The following CAMSAP2 variants were observed in gnomAD, a reference collection of about 807,000 sequenced individuals.
The protein encoded by CAMSAP2 is calmodulin regulated spectrin associated protein family member 2.
A neutral mutation model predicts 146.1 loss-of-function variants in CAMSAP2; 26 were observed. The ratio of observed to expected loss-of-function variants is 0.18; its 90% CI spans 0.13 to 0.25. CAMSAP2 has a LOEUF of 0.25. Among genes scored for constraint, CAMSAP2 ranks in the 10% least tolerant of loss-of-function variants. The pLI, the probability that CAMSAP2 is intolerant of heterozygous loss-of-function variation, is 1.00. For missense variants in CAMSAP2, 1,381 were observed against 1,759.3 expected (o/e 0.78, Z 3.85); for synonymous variants, 499 against 596.6 (o/e 0.84, Z 2.38).
chr1:200,854,202 G>A (rs1182781189), intron 13 of CAMSAP2, among the ~76,000 whole-genome samples: 3 of 151,978 alleles, frequency 2.0e-5, no homozygotes, highest in Non-Finnish European at 1.5e-5. Flanking sequence ...GGCTGGTCTC[G>A]AACTCTTGGG....
chr1:200,766,142 C>CT (rs71135394), intron 2 of CAMSAP2, among the ~76,000 whole-genome samples: 1,983 of 140,772 alleles, frequency 0.014, 18 homozygotes, highest in African/African-American at 0.029. Context: ...TCAAGTAGCT[C>CT]TTTTTTTTTT....
At chr1:200,807,101 C>T (rs1386121720) in intron 2 of CAMSAP2, among the ~76,000 whole-genome samples, 1 of 151,928 alleles carries the variant, frequency 6.6e-6, no homozygotes, top group Non-Finnish European at 1.5e-5. Context: ...ATGACCATGA[C>T]ATTATAAAAA....
intron 1 of CAMSAP2, among the ~76,000 whole-genome samples, chr1:200,745,992 T>G (rs1401507708): frequency 6.6e-6 from 1 of 152,212 alleles, no homozygotes; most frequent in East Asian, 1.9e-4. Context: ...GATTCAAAAC[T>G]CAAAGGTATA....
intron 4 of CAMSAP2, among the ~76,000 whole-genome samples, chr1:200,821,597 G>A (rs1011023351): frequency 7.2e-5 from 11 of 152,172 alleles, no homozygotes; most frequent in African/African-American, 2.2e-4. Flanking sequence ...TTGGCCTCCA[G>A]CGATCCACCC....
chr1:200,854,306 TG>T (rs1266748774), intron 13 of CAMSAP2, among the ~76,000 whole-genome samples: 1 of 152,128 alleles, frequency 6.6e-6, no homozygotes, highest in Non-Finnish European at 1.5e-5. Context: ...AAAAAAATCT[TG>T]GGGGGCAGGG....
chr1:200,854,178 CTT>C lies in CAMSAP2; in HGVS notation c.3824-638_3824-637del, dbSNP rs1429562678. Among the ~76,000 whole-genome samples the C allele has an allele frequency of 2.0e-5, 3 of 152,144 alleles. No homozygotes were observed. The East Asian group carries it at 5.8e-4, about 29-fold the overall frequency. ...TGTATTTTTTGTACAGATGGGGTTTCTTCATGTTGTTCAGGCTGGTCTCGAAC... is the reference window on the plus strand; with the variant it reads ...TGTATTTTTTGTACAGATGGGGTTTCCATGTTGTTCAGGCTGGTCTCGAAC... On this transcript the variant is annotated intron_variant, in intron 13 of 16. Transcript: ENST00000358823.
At chr1:200,786,946 C>T (rs1217329986) in intron 2 of CAMSAP2, among the ~76,000 whole-genome samples, 1 of 151,288 alleles carries the variant, frequency 6.6e-6, no homozygotes, top group Non-Finnish European at 1.5e-5. Context: ...AAAAACAAAG[C>T]CTGGATGACA....
intron 3 of CAMSAP2, 91 bp from the exon 4 acceptor site, chr1:200,815,470 A>T: frequency 1.8e-6 from 1 of 567,154 alleles, no homozygotes; most frequent in Non-Finnish European, 2.9e-6. Context: ...CTCTGACTAT[A>T]GGCATCTTAA....
At chr1:200,833,793 A>T (rs1277662131) in intron 6 of CAMSAP2, among the ~76,000 whole-genome samples, 1 of 152,190 alleles carries the variant, frequency 6.6e-6, no homozygotes. Context: ...AATATATGAT[A>T]TGTATAGTTA....
rs1043484292 is a variant in CAMSAP2 at position 200,813,078 on chromosome 1, A to T, written c.562-2483A>T. Among the ~76,000 whole-genome samples, 7 of 152,260 alleles carry T rather than the reference A, an allele frequency of 4.6e-5. No individual in the cohort carries two copies. The South Asian group carries it at 1.4e-3, about 31-fold the overall frequency. On this transcript the variant is annotated intron_variant, in intron 3 of 16. Transcript: ENST00000358823. ...GCCTTAGCCTAGGTAATTTATAAAC[A>T]GCAGAAATTCATTGCTCATAGTTCT...
rs374030133 is a variant in CAMSAP2 at position 200,804,225 on chromosome 1, C to T, written c.400-3151C>T. 2.8e-4 allele frequency among the ~76,000 whole-genome samples: 43 copies of T among 152,180 alleles called. No individual in the cohort carries two copies. In the East Asian group the frequency reaches 7.9e-3, roughly 28 times the overall value. ...ACAAGCGTGAGCCACCGCGCCTGGC[C>T]AGATGTTCTGTTTTTCTTGTTTCTT... On this transcript the variant is annotated intron_variant, in intron 2 of 16. Coordinates refer to ENST00000358823, the MANE Select transcript of CAMSAP2 (RefSeq NM_203459.4).
intron 7 of CAMSAP2, 147 bp downstream of exon 7, chr1:200,842,234 C>G: frequency 1.7e-6 from 1 of 603,988 alleles, no homozygotes; most frequent in Non-Finnish European, 2.9e-6. Context: ...CTCCTAACCT[C>G]TTAAAATGGT....
chr1:200,854,751 A>T, intron 13 of CAMSAP2, 66 bp from the exon 14 acceptor site: 1 of 1,164,130 alleles, frequency 8.6e-7, no homozygotes, highest in Non-Finnish European at 1.3e-6. Flanking sequence ...ACTCTTTGCT[A>T]GTTGCTCCTT....
At chr1:200,811,237 T>C (rs1381094428) in intron 3 of CAMSAP2, among the ~76,000 whole-genome samples, 1 of 152,202 alleles carries the variant, frequency 6.6e-6, no homozygotes, top group Non-Finnish European at 1.5e-5. Flanking sequence ...GTCTCCCCTG[T>C]GGTGGCAGTT....
chr1:200,762,206 G>T (rs985683471), intron 2 of CAMSAP2, among the ~76,000 whole-genome samples: 3 of 151,900 alleles, frequency 2.0e-5, no homozygotes, highest in South Asian at 2.1e-4. Flanking sequence ...TTGTTTTCTG[G>T]TTTTTTTCCT....
intron 1 of CAMSAP2, among the ~76,000 whole-genome samples, chr1:200,752,408 C>T (rs570868442): frequency 6.6e-6 from 1 of 152,050 alleles, no homozygotes; most frequent in South Asian, 2.1e-4. Flanking sequence ...CTACAATAAG[C>T]AGCACTACAA....
rs772693203 is a variant in CAMSAP2, at chr1:200,847,160, T to G, written c.1110-50T>G. On this transcript the variant is annotated intron_variant, in intron 8 of 16. Transcript: ENST00000358823. The stretch of plus-strand genomic sequence containing the variant: ...CTAACTTAAGACATTCTACCTAAAT[T>G]TATATTAAACAGCTAAAATATAACA... The G allele has an allele frequency of 8.0e-6, 11 of 1,373,566 alleles. No homozygotes were observed. The South Asian group carries it at 1.4e-4, about 17-fold the overall frequency. 85.1% of individuals were successfully genotyped at this position (1,373,566 alleles called of 1,614,324 possible). A position where few individuals can be genotyped will look rare whatever the true frequency, so the allele number is the denominator to read the frequency against.
chr1:200,848,856 A>G lies in CAMSAP2; in HGVS notation c.2087A>G (p.Lys696Arg). 1.2e-6 allele frequency: 2 copies of G among 1,614,172 alleles called. No homozygotes were observed. The highest frequency in any genetic ancestry group is 1.7e-6 in the Non-Finnish European group (2 of 1,180,008). Residue 696 changes from lysine to arginine, a missense_variant, in exon 11 of 17, where the codon AAA (lysine) becomes AGA (arginine). This residue lies in a region of CAMSAP2 where 447 missense variants were observed against 462.2 expected (regional missense o/e 0.97). Transcript: ENST00000358823. ...MTSFAEQKFR[K>R]LNHTDGKSSG... ...AGCTTTGCTGAACAAAAATTCAGGA[A>G]ACTGAATCATACCGATGGAAAAAGT...
intron 4 of CAMSAP2, among the ~76,000 whole-genome samples, chr1:200,827,052 G>T (rs566498149): frequency 2.0e-5 from 3 of 152,276 alleles, no homozygotes; most frequent in South Asian, 4.1e-4. Flanking sequence ...GCTTTTTGAA[G>T]CATACGTATA....
Sources: gnomAD v4.1 joint callset for allele counts (sites outside exome capture counted in the v4.1 genomes callset) on GRCh38, gnomAD v4.1.1 for gene constraint, gnomAD v4.1.1 regional missense constraint, MANE v1.5 for transcripts, NCBI Gene and HGNC (gene_info 2026-07-23, HGNC 2026-07-21) for gene names.